The following PIGT variants were observed in gnomAD, a reference collection of about 807,000 sequenced individuals.
PIGT encodes phosphatidylinositol glycan anchor biosynthesis class T, also known as GPI-anchor transamidase component PIGT.
Under a neutral mutation model 66.7 loss-of-function variants are expected in PIGT, and 57 were observed. The observed-to-expected ratio is 0.86, with a 90% confidence interval of 0.69 to 1.07. The LOEUF (loss-of-function observed/expected upper bound fraction) is 1.07, where lower values mean the gene tolerates loss of function less well. Ranked by LOEUF, PIGT falls within the 50% of genes least tolerant of loss-of-function variation. The probability of loss-of-function intolerance (pLI) is 0.00; values close to 1 mark genes in which losing one functional copy is unlikely to be tolerated. For synonymous variants in PIGT, 362 were observed against 320.5 expected (o/e 1.13, Z -1.38); for missense variants, 725 against 740.4 (o/e 0.98, Z 0.24).
At chr20:45,424,187 G>T (rs1179020224) in intron 9 of PIGT, 29 bp from the exon 10 acceptor site, 1 of 1,611,584 alleles carries the variant, frequency 6.2e-7, no homozygotes, top group Non-Finnish European at 8.5e-7. Context: ...CCCCAGGAAA[G>T]AGATGTGGGT....
At chr20:45,419,992 G>A (rs146087753) in intron 5 of PIGT, 144 bp from the exon 6 acceptor site, 2 of 646,056 alleles carry the variant, frequency 3.1e-6, no homozygotes, top group South Asian at 1.8e-5. Context: ...TCTGGCACGA[G>A]GTCAAGTGCT....
chr20:45,419,723 G>T (rs1449217457), intron 5 of PIGT, 133 bp downstream of exon 5: 3 of 699,954 alleles, frequency 4.3e-6, no homozygotes, highest in Non-Finnish European at 7.6e-6. Flanking sequence ...TCAGGGCATT[G>T]GCCAAGCACC....
intron 2 of PIGT, 154 bp from the exon 3 acceptor site, chr20:45,418,698 C>T (rs1990142011): frequency 2.3e-6 from 2 of 876,726 alleles, no homozygotes; most frequent in East Asian, 2.6e-5. Flanking sequence ...AGTGGGCTGG[C>T]TGGGGGCAGC....
At chr20:45,416,768 T>G in intron 2 of PIGT, 74 bp downstream of exon 2, 1 of 1,381,912 alleles carries the variant, frequency 7.2e-7, no homozygotes, top group South Asian at 1.4e-5. Context: ...ATCCTGCCAC[T>G]GCTCTTGGGG....
intron 5 of PIGT, 81 bp downstream of exon 5, chr20:45,419,671 C>G (rs111759187): frequency 1.0e-5 from 10 of 997,228 alleles, no homozygotes; most frequent in African/African-American, 9.5e-5. Context: ...GTGTCTGGCT[C>G]AGGCTGAGTG....
rs756531052 is a variant in PIGT at position 45,420,235 on chromosome 20, T to C, written c.769+12T>C. 7 of 1,605,792 alleles carry C rather than the reference T, an allele frequency of 4.4e-6. No individual in the cohort carries two copies. In the South Asian group the frequency reaches 7.8e-5, roughly 18 times the overall value. Reference sequence around the variant, plus strand: ...GCAGGGAAAGAAAGGTAAGTTACCTTGGCAACTCATCTGTACCCACCCATG... The same window carrying C: ...GCAGGGAAAGAAAGGTAAGTTACCTCGGCAACTCATCTGTACCCACCCATG... On this transcript the variant is annotated intron_variant, in intron 6 of 11. Transcript: ENST00000279036.
Position 45,421,447 on chromosome 20 carries a change from G to C in PIGT, c.1098G>C (p.Gly366=). The C allele has an allele frequency of 6.2e-7, 1 of 1,614,150 alleles. No individual in the cohort carries two copies. The highest frequency in any genetic ancestry group is 8.5e-7 in the Non-Finnish European group (1 of 1,180,026). The change falls in exon 9 of 12, where the codon GGG becomes GGC. Residue 366 remains glycine, a synonymous_variant. Transcript: ENST00000279036. ...RYVSGYGLQK[G]ELSTLLYNTH... ...TGAGTGGCTATGGGCTGCAGAAGGG[G>C]GAGCTGAGCACACTGCTGTACAACA... is the stretch of plus-strand genomic sequence containing the variant.
intron 2 of PIGT, 196 bp downstream of exon 2, chr20:45,416,890 A>G (rs918061169): frequency 3.2e-5 from 16 of 500,786 alleles, no homozygotes; most frequent in Non-Finnish European, 4.9e-5. Context: ...GACCTGAGGT[A>G]GCACATGCAT....
At position 45,425,749 on chromosome 20, in the gene PIGT, G is replaced by T; in HGVS notation, c.1660G>T (p.Glu554Ter). The stretch of plus-strand genomic sequence containing the variant: ...TCTCCTCACCCGAACCTTCCACATC[G>T]AGGAGCCCCGCACAGGTGGCCTGGC... Reference protein sequence around the residue: ...YNLLTRTFHIEEPRTGGLAKR... With the variant: ...YNLLTRTFHI The change falls in exon 12 of 12, where the codon GAG (glutamate) becomes TAG (stop). Residue 554 changes from glutamate to a stop codon, truncating the protein, a stop_gained. Coordinates refer to ENST00000279036, the MANE Select transcript of PIGT (RefSeq NM_015937.6). LOFTEE classifies it high-confidence loss of function. 1 of 1,613,912 alleles carries T rather than the reference G, an allele frequency of 6.2e-7. No individual in the cohort carries two copies. The highest frequency in any genetic ancestry group is 8.5e-7 in the Non-Finnish European group (1 of 1,179,914).
intron 2 of PIGT, chr20:45,418,420 G>A: frequency 4.1e-6 from 1 of 243,586 alleles, no homozygotes. Flanking sequence ...ACACGATGCT[G>A]CTGCCACCTA....
rs1374718381 is a variant in PIGT at position 45,418,942 on chromosome 20, T to C, written c.456T>C (p.Thr152=). The change falls in exon 3 of 12, where the codon ACT becomes ACC. Residue 152 remains threonine (T), a synonymous_variant. Transcript: ENST00000279036. ...TCATCGACTCCACCAACACAGTCAC[T>C]CCCACTGCCTCCTTCAAACCCCTGG... The part of the protein sequence containing the change: ...LNFIDSTNTV[T]PTASFKPLGL... 3 of 1,614,074 alleles carry C rather than the reference T, an allele frequency of 1.9e-6. No homozygotes were observed. Among genetic ancestry groups the C allele is most frequent in the Non-Finnish European group, 2.5e-6 (3 of 1,179,968 alleles).
At chr20:45,419,142 G>T (rs201037858) in intron 3 of PIGT, 153 bp from the exon 4 acceptor site, 1 of 1,072,966 alleles carries the variant, frequency 9.3e-7, no homozygotes, top group Non-Finnish European at 1.4e-6. Flanking sequence ...CTTTTCCCAA[G>T]GAGAGAAGGG....
At chr20:45,421,304 T>C (rs1462727385) in intron 8 of PIGT, 79 bp from the exon 9 acceptor site, 54 of 1,298,324 alleles carry the variant, frequency 4.2e-5, no homozygotes, top group Non-Finnish European at 5.4e-5. Flanking sequence ...CTTGGGACTC[T>C]GAACATGGCC....
rs749263786 is a variant in PIGT, at chr20:45,418,945, C to T, written c.459C>T (p.Pro153=). 3.1e-6 allele frequency: 5 copies of T among 1,614,110 alleles called. No individual in the cohort carries two copies. The highest frequency in any genetic ancestry group is 2.7e-5 in the African/African-American group (2 of 75,032). Residue 153 remains proline (P), a synonymous_variant, in exon 3 of 12, where the codon CCC becomes CCT. Coordinates refer to ENST00000279036, the MANE Select transcript of PIGT (RefSeq NM_015937.6). ...TCGACTCCACCAACACAGTCACTCC[C>T]ACTGCCTCCTTCAAACCCCTGGGTC... ...NFIDSTNTVT[P]TASFKPLGLA...
In PIGT at chr20:45,418,342, T is replaced by C. The variant is rs147834409; in HGVS notation, c.366-510T>C. ...TTTCCATGGTGTCAGGGGAAGTACA[T>C]AGATGACCCAGACTGGTCCTTGTCC... On this transcript the variant is annotated intron_variant, in intron 2 of 11. Transcript: ENST00000279036. The C allele has an allele frequency of 2.0e-3, 413 of 203,456 alleles. 2 individuals are homozygous for C. Among genetic ancestry groups the C allele is most frequent in the African/African-American group, 9.3e-3 (393 of 42,272 alleles). The allele number at this position is 203,456 out of a possible 1,614,324, so 12.6% of individuals were successfully genotyped here.
At chr20:45,421,069 A>T in intron 8 of PIGT, 1 of 514,296 alleles carries the variant, frequency 1.9e-6, no homozygotes, top group Non-Finnish European at 3.5e-6. Context: ...GGCAGGTGTC[A>T]GTTAATTAAT....
At chr20:45,420,020 A>T in intron 5 of PIGT, 116 bp from the exon 6 acceptor site, 1 of 749,658 alleles carries the variant, frequency 1.3e-6, no homozygotes, top group East Asian at 2.7e-5. Flanking sequence ...GGGTGGTAGC[A>T]AATCGATGGA....
Position 45,416,355 on chromosome 20 carries a change from A to C in PIGT, c.187+12A>C, listed in dbSNP as rs1488538745. 6 of 1,571,148 alleles carry C rather than the reference A, an allele frequency of 3.8e-6. No individual in the cohort carries two copies. ...TCAGCGGGAAGGAGGTGAGGGCGCG[A>C]GATCTGACCAGGGAAAGATTTCCGT... On this transcript the variant is annotated intron_variant, in intron 1 of 11. Coordinates refer to ENST00000279036, the MANE Select transcript of PIGT (RefSeq NM_015937.6).
chr20:45,424,274 G>T lies in PIGT; in HGVS notation c.1293G>T (p.Leu431=), dbSNP rs1375910648. ...TGCAACCCCACCTCCTGGAGATGCT[G>T]ATTCAGCTGCCGGCCAACTCAGTCA... is the stretch of plus-strand genomic sequence containing the variant. ...DRLQPHLLEM[L]IQLPANSVTK... is the part of the protein sequence containing the mutation. The change falls in exon 10 of 12, where the codon CTG becomes CTT. Residue 431 remains leucine (L), a synonymous_variant. Coordinates refer to ENST00000279036, the MANE Select transcript of PIGT (RefSeq NM_015937.6). The T allele has an allele frequency of 3.1e-5, 50 of 1,614,050 alleles. No homozygotes were observed. Among genetic ancestry groups the T allele is most frequent in the Non-Finnish European group, 4.0e-5 (47 of 1,180,016 alleles).
Sources: allele counts gnomAD v4.1 joint callset, GRCh38; gene constraint gnomAD v4.1.1; transcripts MANE v1.5; gene names NCBI Gene and HGNC (gene_info 2026-07-23, HGNC 2026-07-21).